HNF1A: variants seen among roughly 807,000 people sequenced by gnomAD.
HNF1A encodes hepatocyte nuclear factor 1-alpha.
Under a neutral mutation model 62.2 loss-of-function variants are expected in HNF1A, and 21 were observed. The observed-to-expected ratio is 0.34, with a 90% confidence interval of 0.24 to 0.49. HNF1A has a LOEUF of 0.49. HNF1A is among the 20% of genes least tolerant of loss of function. The pLI is 0.99. For missense variants in HNF1A, 687 were observed against 832.3 expected (o/e 0.83, Z 2.15); for synonymous variants, 374 against 366.8 (o/e 1.02, Z -0.22).
At chr12:120,998,813 A>C (rs1206513468) in intron 7 of HNF1A, among the ~76,000 whole-genome samples, 3 of 152,186 alleles carry the variant, frequency 2.0e-5, no homozygotes, top group African/African-American at 7.2e-5. Flanking sequence ...AACTTACTAC[A>C]CAGCACCTGA....
chr12:120,997,437 T>C, intron 6 of HNF1A, 37 bp from the exon 7 acceptor site: 1 of 1,572,852 alleles, frequency 6.4e-7, no homozygotes, highest in South Asian at 1.2e-5. Context: ...GGGATATAAC[T>C]GGGGGGCCCA....
chr12:120,991,605 T>C (rs558884842), intron 2 of HNF1A, among the ~76,000 whole-genome samples: 1 of 94 alleles, frequency 0.011, no homozygotes, highest in Non-Finnish European at 0.029. Flanking sequence ...TAAATGTATG[T>C]ATGTATGTAT....
At chr12:120,993,414 G>A in intron 2 of HNF1A, 106 bp from the exon 3 acceptor site, 1 of 1,104,620 alleles carries the variant, frequency 9.1e-7, no homozygotes, top group South Asian at 1.3e-5. Context: ...AAGCTCCTCT[G>A]GTTCAGCGCC....
chr12:121,000,368 A>C, intron 9 of HNF1A: 1 of 158,220 alleles, frequency 6.3e-6, no homozygotes, highest in Admixed American at 6.0e-5. Flanking sequence ...GAGAAAGTGG[A>C]CACTCAAGGA....
chr12:120,996,698 T>C lies in HNF1A; in HGVS notation c.1265T>C (p.Leu422Pro), dbSNP rs193922577. ...ATCGGGCCTGGTGAGCCTGCCTCCC[T>C]GGGTCCTACGTTCACCAACACAGGT... ...MTIGPGEPAS[L>P]GPTFTNTGAS... Residue 422 changes from leucine to proline, a missense_variant, in exon 6 of 10, where the codon CTG becomes CCG. Physicochemically the swap from Leu to Pro is moderately conservative, Grantham distance 98. Transcript: ENST00000257555. The surrounding 1 kb of genome is among the most constrained non-coding windows in gnomAD (Gnocchi z 4.5). 5.6e-6 allele frequency: 9 copies of C among 1,614,058 alleles called. No homozygotes were observed. Among genetic ancestry groups the C allele is most frequent in the Non-Finnish European group, 7.6e-6 (9 of 1,179,998 alleles).
chr12:120,991,826 A>T (rs1315154590), intron 2 of HNF1A, among the ~76,000 whole-genome samples: 1 of 152,228 alleles, frequency 6.6e-6, no homozygotes, highest in African/African-American at 2.4e-5. Context: ...TGTTAGAACT[A>T]GATTTAGTTT....
chr12:120,979,583 G>A (rs56357256), intron 1 of HNF1A: 1,936 of 163,688 alleles, frequency 0.012, 18 homozygotes, highest in South Asian at 0.034. Context: ...GGACTCATGC[G>A]TTTAGCCAGG....
chr12:120,987,474 C>CAAAAAAA (rs59729082), intron 1 of HNF1A, among the ~76,000 whole-genome samples: 1 of 62,280 alleles, frequency 1.6e-5, no homozygotes, highest in Non-Finnish European at 3.4e-5. Flanking sequence ...GACTCCATCT[C>CAAAAAAA]AAAAAAAAAA....
Position 121,002,454 on chromosome 12 carries a change from C to T in HNF1A, c.*1262C>T, listed in dbSNP as rs934049630. The T allele has an allele frequency of 9.4e-6, 5 of 529,350 alleles. No homozygotes were observed. Among genetic ancestry groups the T allele is most frequent in the Middle Eastern group, 3.0e-4 (1 of 3,364 alleles). The allele number at this position is 529,350 out of a possible 1,614,324, so 32.8% of individuals were successfully genotyped here. On this transcript the variant is annotated 3_prime_UTR_variant, in exon 10 of 10. Coordinates refer to ENST00000257555, the MANE Select transcript of HNF1A (RefSeq NM_000545.8). Reference sequence around the variant, plus strand: ...GCACCCCCTGCAGCTTGTAGCCAGCCGGGGCGAGTGGCACGTTTATTTAAC... The same window carrying T: ...GCACCCCCTGCAGCTTGTAGCCAGCTGGGGCGAGTGGCACGTTTATTTAAC...
rs144674840 is a variant in HNF1A at position 120,999,562 on chromosome 12, C to T, written c.1703C>T (p.Pro568Leu). Residue 568 changes from proline to leucine, a missense_variant, in exon 9 of 10, where the codon CCC becomes CTC. Pro to Leu is a moderately conservative substitution (Grantham distance 98). This residue lies in a region of HNF1A where 408 missense variants were observed against 455.3 expected (regional missense o/e 0.90). Coordinates refer to ENST00000257555, the MANE Select transcript of HNF1A (RefSeq NM_000545.8). Reference protein sequence around the residue: ...PASQATTLHVPSQDPASIQHL... With the variant: ...PASQATTLHVLSQDPASIQHL... ...TCTCAGGCCACCACCCTCCACGTCC[C>T]CAGCCAGGACCCTGCCAGCATCCAG... is the stretch of plus-strand genomic sequence containing the variant. 3.0e-5 allele frequency: 48 copies of T among 1,612,986 alleles called. No homozygotes were observed. The highest frequency in any genetic ancestry group is 3.7e-5 in the Non-Finnish European group (44 of 1,179,852).
rs377272827 is a variant in HNF1A at position 120,990,343 on chromosome 12, A to G, written c.526+1311A>G. Among the ~76,000 whole-genome samples, 689 of 151,046 alleles carry G rather than the reference A, an allele frequency of 4.6e-3. 4 individuals are homozygous for G. The highest frequency in any genetic ancestry group is 0.015 in the African/African-American group (590 of 40,576). On this transcript the variant is annotated intron_variant, in intron 2 of 9. Transcript: ENST00000257555. ...TTTTTAGTAGAGTCGGGGTTTCACC[A>G]TGGTCTCGATCTCCTGACCTCGTGA...
At chr12:120,995,420 A>C (rs1593059878) in intron 4 of HNF1A, among the ~76,000 whole-genome samples, 3 of 148,972 alleles carry the variant, frequency 2.0e-5, no homozygotes, top group African/African-American at 7.5e-5. Flanking sequence ...TCTTCTCTCC[A>C]CTCCTCTCCA....
At chr12:120,990,164 CAG>C (rs1183004308) in intron 2 of HNF1A, among the ~76,000 whole-genome samples, 22 of 151,978 alleles carry the variant, frequency 1.4e-4, no homozygotes, top group Non-Finnish European at 2.5e-4. Context: ...TTTTTTGAGA[CAG>C]AGTCTCACTC....
intron 2 of HNF1A, among the ~76,000 whole-genome samples, chr12:120,990,594 GATGATAGGAAAGGGAGGA>G (rs1876771537): frequency 7.9e-6 from 1 of 125,962 alleles, no homozygotes; most frequent in Non-Finnish European, 1.8e-5. Flanking sequence ...AGAAAGGAAA[GATGATAGGAAAGGGAGGA>G]AAGATAGGAA....
rs199785468 is a variant in HNF1A, at chr12:120,979,118, G to C, written c.326+24G>C. ...CAGTAAGGAGCCCTGCCCCGTCCCC[G>C]CTCCCAGGAGAGCCTAGAGGGGCCC... On this transcript the variant is annotated intron_variant, in intron 1 of 9. Coordinates refer to ENST00000257555, the MANE Select transcript of HNF1A (RefSeq NM_000545.8). 61 of 1,585,692 alleles carry C rather than the reference G, an allele frequency of 3.8e-5. No homozygotes were observed. In the Middle Eastern group the frequency reaches 5.4e-4, roughly 14 times the overall value.
Position 120,996,479 on chromosome 12 carries a change from G to T in HNF1A, c.1108-62G>T. The T allele has an allele frequency of 1.2e-6, 2 of 1,613,402 alleles. No individual in the cohort carries two copies. Among genetic ancestry groups the T allele is most frequent in the Non-Finnish European group, 1.7e-6 (2 of 1,179,808 alleles). On this transcript the variant is annotated intron_variant, in intron 5 of 9. Transcript: ENST00000257555. This position sits in a 1 kb window ranked among gnomAD's most constrained non-coding sequence, Gnocchi z 4.5. ...TCCTTGGCAGGGAGATTCTGGAGCA[G>T]TCCCTAGGGAGGCCCTGTGGGGACC...
rs779387337 is a variant in HNF1A, at chr12:120,978,763, C to G, written c.-6C>G. The G allele has an allele frequency of 1.2e-6, 2 of 1,612,228 alleles. No individual in the cohort carries two copies. The highest frequency in any genetic ancestry group is 8.5e-7 in the Non-Finnish European group (1 of 1,179,670). On this transcript the variant is annotated 5_prime_UTR_variant, in exon 1 of 10. Coordinates refer to ENST00000257555, the MANE Select transcript of HNF1A (RefSeq NM_000545.8). Reference sequence around the variant, plus strand: ...CCGGGCCGCGTGGCCCTGTGGCAGCCGAGCCATGGTTTCTAAACTGAGCCA... The same window carrying G: ...CCGGGCCGCGTGGCCCTGTGGCAGCGGAGCCATGGTTTCTAAACTGAGCCA...
chr12:120,989,723 G>T (rs766408512), intron 2 of HNF1A, among the ~76,000 whole-genome samples: 3 of 152,208 alleles, frequency 2.0e-5, no homozygotes, highest in Non-Finnish European at 2.9e-5. Context: ...CCAGTGCAGA[G>T]TATTACACAA....
chr12:120,989,018 G>A lies in HNF1A; in HGVS notation c.512G>A (p.Arg171Gln), dbSNP rs765241951. The A allele has an allele frequency of 9.3e-6, 15 of 1,614,064 alleles. No individual in the cohort carries two copies. In the East Asian group the frequency reaches 1.1e-4, roughly 12 times the overall value. Residue 171 changes from arginine (R) to glutamine (Q), a missense_variant, in exon 2 of 10, where the codon CGA becomes CAA. Arg to Gln is a conservative substitution (Grantham distance 43). This residue lies in a region of HNF1A where 47 missense variants were observed against 52.5 expected (regional missense o/e 0.90). Coordinates refer to ENST00000257555, the MANE Select transcript of HNF1A (RefSeq NM_000545.8). ...TACACCTGGTACGTCCGCAAGCAGC[G>A]AGAGGTGGCGCAGCGTAAGTAATGA... Reference protein sequence around the residue: ...ALYTWYVRKQREVAQQFTHAG... With the variant: ...ALYTWYVRKQQEVAQQFTHAG...
Sources: gnomAD v4.1 joint callset for allele counts (sites outside exome capture counted in the v4.1 genomes callset) on GRCh38, gnomAD v4.1.1 for gene constraint, gnomAD v4.1.1 regional missense constraint, Gnocchi (gnomAD v3.1) non-coding constraint, MANE v1.5 for transcripts, NCBI Gene and HGNC (gene_info 2026-07-23, HGNC 2026-07-21) for gene names.